ZCCHC2: variants seen among roughly 807,000 people sequenced by gnomAD.
The protein encoded by ZCCHC2 is zinc finger CCHC-type containing 2.
In ZCCHC2, 39 loss-of-function variants were observed where a neutral mutation model predicts 103.6. The observed-to-expected ratio is 0.38, with a 90% CI of 0.29 to 0.49. ZCCHC2 has a LOEUF of 0.49. ZCCHC2 is among the 20% of genes least tolerant of loss of function. The probability of loss-of-function intolerance (pLI) is 0.96; values close to 1 mark genes in which losing one functional copy is unlikely to be tolerated. For missense variants in ZCCHC2, 1,483 were observed against 1,491.0 expected (o/e 0.99, Z 0.09); for synonymous variants, 687 against 608.9 (o/e 1.13, Z -1.89).
At chr18:62,546,192 C>T (rs936862046) in intron 4 of ZCCHC2, among the ~76,000 whole-genome samples, 7 of 152,180 alleles carry the variant, frequency 4.6e-5, no homozygotes, top group Admixed American at 4.6e-4. Context: ...AGAGAGATGG[C>T]ATAGGTCTGT....
chr18:62,557,141 G>A lies in ZCCHC2; in HGVS notation c.1408+844G>A, dbSNP rs146031558. On this transcript the variant is annotated intron_variant, in intron 6 of 13. Coordinates refer to ENST00000269499, the MANE Select transcript of ZCCHC2 (RefSeq NM_017742.6). ...GCTTTGCCAGTTTTTCTTATGTTCC[G>A]TATGTTGAGTTTTGCCCTCTTATTT... Among the ~76,000 whole-genome samples the A allele has an allele frequency of 4.9e-3, 743 of 152,220 alleles. 3 individuals are homozygous for A. The highest frequency in any genetic ancestry group is 8.8e-3 in the Non-Finnish European group (601 of 67,998).
At chr18:62,569,008 C>T (rs1916483926) in intron 11 of ZCCHC2, among the ~76,000 whole-genome samples, 1 of 152,158 alleles carries the variant, frequency 6.6e-6, no homozygotes, top group South Asian at 2.1e-4. Flanking sequence ...TTGTTACTTG[C>T]CCATGAACTC....
At chr18:62,542,197 C>A (rs1434352675) in intron 2 of ZCCHC2, among the ~76,000 whole-genome samples, 1 of 152,102 alleles carries the variant, frequency 6.6e-6, no homozygotes, top group Non-Finnish European at 1.5e-5. Flanking sequence ...ATTTTAATTG[C>A]AGGTACCTTT....
At chr18:62,550,552 TC>T (rs1178623824) in intron 5 of ZCCHC2, 92 bp downstream of exon 5, 1 of 874,808 alleles carries the variant, frequency 1.1e-6, no homozygotes, top group East Asian at 2.7e-5. Context: ...ATCATAGAGA[TC>T]CTTTCTCTGG....
At chr18:62,566,280 A>G (rs1444942535) in intron 11 of ZCCHC2, among the ~76,000 whole-genome samples, 1 of 152,178 alleles carries the variant, frequency 6.6e-6, no homozygotes, top group Non-Finnish European at 1.5e-5. Flanking sequence ...AAAAAACTAA[A>G]ATCATCTGGC....
At position 62,523,376 on chromosome 18, in the gene ZCCHC2, G is replaced by GCGCCGC; in HGVS notation, c.-48_-47insGCCGCC. The GCGCCGC allele has an allele frequency of 9.9e-7, 1 of 1,012,350 alleles. No individual in the cohort carries two copies. Among genetic ancestry groups the GCGCCGC allele is most frequent in the Non-Finnish European group, 1.2e-6 (1 of 848,986 alleles). The allele number at this position is 1,012,350 out of a possible 1,614,324, so 62.7% of individuals were successfully genotyped here. A position where few individuals can be genotyped will look rare whatever the true frequency, so the allele number is the denominator to read the frequency against. ...GCCTCGGCCCGTGCTCCACCTCGCG[G>GCGCCGC]CCCCTCCCGCCCGCCCCCGCTCGCA... On this transcript the variant is annotated 5_prime_UTR_variant, in exon 1 of 14. Transcript: ENST00000269499.
Position 62,556,369 on chromosome 18 carries a change from G to A in ZCCHC2, c.1408+72G>A, listed in dbSNP as rs1915885340. On this transcript the variant is annotated intron_variant, in intron 6 of 13. Coordinates refer to ENST00000269499, the MANE Select transcript of ZCCHC2 (RefSeq NM_017742.6). ...TTTTATTGCTTTACTGTGTCATTTT[G>A]TGTAGGTTTGTCACTTTAGTTAAAG... is the stretch of plus-strand genomic sequence containing the variant. 2.5e-6 allele frequency: 3 copies of A among 1,204,236 alleles called. No individual in the cohort carries two copies. The South Asian group carries it at 4.5e-5, about 18-fold the overall frequency. The allele number at this position is 1,204,236 out of a possible 1,614,324, so 74.6% of individuals were successfully genotyped here.
intron 4 of ZCCHC2, among the ~76,000 whole-genome samples, chr18:62,546,582 G>A (rs551715120): frequency 6.6e-6 from 1 of 152,294 alleles, no homozygotes; most frequent in East Asian, 1.9e-4. Flanking sequence ...CTTGAAAAGG[G>A]GGGTTCAGAC....
At chr18:62,561,032 C>T (rs537781859) in intron 8 of ZCCHC2, among the ~76,000 whole-genome samples, 3 of 152,250 alleles carry the variant, frequency 2.0e-5, no homozygotes, top group East Asian at 1.9e-4. Context: ...ACTTGTAAGC[C>T]GTGGCTGTCA....
rs1916780763 is a variant in ZCCHC2 at position 62,575,171 on chromosome 18, T to C, written c.3090T>C (p.Asn1030=). The C allele has an allele frequency of 6.2e-7, 1 of 1,614,024 alleles. No individual in the cohort carries two copies. Among genetic ancestry groups the C allele is most frequent in the Non-Finnish European group, 8.5e-7 (1 of 1,179,886 alleles). Reference sequence around the variant, plus strand: ...GGACCAATGGAAACCTTCAGCTAAATAGTTACTATTATCCTAATCCAATGC... The same window carrying C: ...GGACCAATGGAAACCTTCAGCTAAACAGTTACTATTATCCTAATCCAATGC... The part of the protein sequence containing the change: ...SCGTNGNLQL[N]SYYYPNPMPG... Residue 1030 remains asparagine, a synonymous_variant, in exon 13 of 14, where the codon AAT becomes AAC. Coordinates refer to ENST00000269499, the MANE Select transcript of ZCCHC2 (RefSeq NM_017742.6).
chr18:62,556,732 A>G (rs1031330277), intron 6 of ZCCHC2, among the ~76,000 whole-genome samples: 3 of 152,196 alleles, frequency 2.0e-5, no homozygotes, highest in African/African-American at 7.2e-5. Flanking sequence ...CGGAAAGGAC[A>G]ACCCATACTA....
chr18:62,524,704 A>C (rs1391743128), intron 1 of ZCCHC2: 4 of 289,426 alleles, frequency 1.4e-5, no homozygotes, highest in African/African-American at 2.2e-5. Context: ...GGCTCTGAGC[A>C]TCTCAGCGCT....
At chr18:62,550,226 A>G in intron 4 of ZCCHC2, 122 bp from the exon 5 acceptor site, 2 of 730,244 alleles carry the variant, frequency 2.7e-6, no homozygotes, top group Non-Finnish European at 4.5e-6. Flanking sequence ...TTTGGAAAAC[A>G]AACTGCTTTT....
At chr18:62,544,605 G>A (rs530929300) in intron 3 of ZCCHC2, among the ~76,000 whole-genome samples, 197 bp from the exon 4 acceptor site, 5 of 152,212 alleles carry the variant, frequency 3.3e-5, no homozygotes, top group South Asian at 4.1e-4. Flanking sequence ...TTATTAGAAC[G>A]TTTTTGAGTA....
chr18:62,536,430 G>T (rs1321408556), intron 1 of ZCCHC2, among the ~76,000 whole-genome samples: 1 of 152,138 alleles, frequency 6.6e-6, no homozygotes, highest in Non-Finnish European at 1.5e-5. Context: ...ACTAGTCTTT[G>T]TAAAATACTG....
intron 1 of ZCCHC2, among the ~76,000 whole-genome samples, chr18:62,538,039 G>T (rs1040559094): frequency 1.3e-5 from 2 of 152,012 alleles, no homozygotes; most frequent in African/African-American, 4.8e-5. Flanking sequence ...GTTTACATTT[G>T]AAAGTATTGC....
chr18:62,545,838 G>A (rs1368127550), intron 4 of ZCCHC2, among the ~76,000 whole-genome samples: 7 of 152,192 alleles, frequency 4.6e-5, no homozygotes, highest in African/African-American at 1.4e-4. Context: ...CACCATAAGT[G>A]TGTTCTTTTC....
intron 7 of ZCCHC2, among the ~76,000 whole-genome samples, chr18:62,559,655 C>T (rs531990184): frequency 1.3e-5 from 2 of 152,312 alleles, no homozygotes; most frequent in Non-Finnish European, 2.9e-5. Context: ...CAAAAGGGGA[C>T]ATGGGCCCGG....
intron 12 of ZCCHC2, among the ~76,000 whole-genome samples, chr18:62,573,327 G>C (rs1598965892): frequency 1.3e-5 from 2 of 152,102 alleles, no homozygotes; most frequent in Non-Finnish European, 1.5e-5. Flanking sequence ...GACATCCCCT[G>C]AAGGCTAGGT....
Sources: allele counts gnomAD v4.1 joint callset (sites outside exome capture counted in the v4.1 genomes callset), GRCh38; gene constraint gnomAD v4.1.1; transcripts MANE v1.5; gene names NCBI Gene and HGNC (gene_info 2026-07-23, HGNC 2026-07-21).